TSPAN3: variants seen among roughly 807,000 people sequenced by gnomAD.
TSPAN3 encodes tetraspanin 3.
TSPAN3 carries 9 observed loss-of-function variants against 31.1 expected under a neutral mutation model. The ratio of observed to expected loss-of-function variants is 0.29; its 90% CI spans 0.17 to 0.50. The LOEUF (loss-of-function observed/expected upper bound fraction) is 0.50. TSPAN3 is among the 20% of genes least tolerant of loss of function. TSPAN3 has a pLI of 0.98. For synonymous variants in TSPAN3, 129 were observed against 114.3 expected (o/e 1.13, Z -0.82); for missense variants, 252 against 313.5 (o/e 0.80, Z 1.48).
intron 1 of TSPAN3, among the ~76,000 whole-genome samples, chr15:77,065,493 C>A (rs556557333): frequency 6.6e-6 from 1 of 152,200 alleles, no homozygotes; most frequent in Non-Finnish European, 1.5e-5. Context: ...GTGGCTCGAT[C>A]GCCGCTCACT....
chr15:77,067,835 G>C (rs2076842610), intron 1 of TSPAN3: 1 of 152,190 alleles, frequency 6.6e-6, no homozygotes, highest in Admixed American at 6.5e-5. Context: ...CTTTAGAGAA[G>C]TGATTCTAAC....
rs1264162377 is a variant in TSPAN3 at position 77,046,552 on chromosome 15, CCTT to C, written c.*280_*282del. 13 of 471,996 alleles carry C rather than the reference CCTT, an allele frequency of 2.8e-5. No individual in the cohort carries two copies. The highest frequency in any genetic ancestry group is 1.5e-5 in the Non-Finnish European group (4 of 268,162). 29.2% of individuals were successfully genotyped at this position (471,996 alleles called of 1,614,324 possible). A position where few individuals can be genotyped will look rare whatever the true frequency, so the allele number is the denominator to read the frequency against. ...GGTAACAGAAGCAGGCTCGTGTCCT[CCTT>C]TAATTCTACCACACTACATGACTCG... On this transcript the variant is annotated 3_prime_UTR_variant, in exon 7 of 7. Coordinates refer to ENST00000267970, the MANE Select transcript of TSPAN3 (RefSeq NM_005724.6).
chr15:77,065,937 AC>A (rs1331678003), intron 1 of TSPAN3, among the ~76,000 whole-genome samples: 1 of 152,226 alleles, frequency 6.6e-6, no homozygotes, highest in African/African-American at 2.4e-5. Context: ...ATGAAAAACA[AC>A]AACCTAAATA....
At position 77,070,990 on chromosome 15, in the gene TSPAN3, C is replaced by T; in HGVS notation, c.-36G>A. 7.3e-7 allele frequency: 1 copy of T among 1,373,612 alleles called. No individual in the cohort carries two copies. Among genetic ancestry groups the T allele is most frequent in the Non-Finnish European group, 9.5e-7 (1 of 1,054,834 alleles). 85.1% of individuals were successfully genotyped at this position (1,373,612 alleles called of 1,614,324 possible). A position where few individuals can be genotyped will look rare whatever the true frequency, so the allele number is the denominator to read the frequency against. On this transcript the variant is annotated 5_prime_UTR_variant, in exon 1 of 7. Transcript: ENST00000267970. Reference sequence around the variant, plus strand: ...GCCCGCGAAGGCCCGGCCCGGAGAGCGGGGCTGCGCTCACCGAGAGAGCGG... The same window carrying T: ...GCCCGCGAAGGCCCGGCCCGGAGAGTGGGGCTGCGCTCACCGAGAGAGCGG...
intron 6 of TSPAN3, among the ~76,000 whole-genome samples, chr15:77,049,586 CTAAT>C (rs1439667015): frequency 6.6e-6 from 1 of 152,082 alleles, no homozygotes; most frequent in Non-Finnish European, 1.5e-5. Context: ...AAATATCCTG[CTAAT>C]TAATAAGGGG....
chr15:77,056,767 C>T (rs553599566), intron 1 of TSPAN3, among the ~76,000 whole-genome samples: 1 of 152,240 alleles, frequency 6.6e-6, no homozygotes, highest in South Asian at 2.1e-4. Flanking sequence ...ACCCCACTTC[C>T]AAAAATCTTG....
intron 1 of TSPAN3, among the ~76,000 whole-genome samples, chr15:77,057,970 A>G (rs1204558991): frequency 1.3e-5 from 2 of 152,146 alleles, no homozygotes; most frequent in Non-Finnish European, 2.9e-5. Flanking sequence ...GGTACCAGAC[A>G]TCTAATTTTT....
At chr15:77,059,601 G>C (rs1384773631) in intron 1 of TSPAN3, among the ~76,000 whole-genome samples, 1 of 152,118 alleles carries the variant, frequency 6.6e-6, no homozygotes, top group African/African-American at 2.4e-5. Flanking sequence ...GTTTTTATTA[G>C]ACGTTTCTCT....
In TSPAN3 at chr15:77,041,955, G is replaced by A. The variant is rs1396299717; in HGVS notation, c.*4880C>T. The A allele has an allele frequency of 2.6e-5, 4 of 152,206 alleles. No homozygotes were observed. The highest frequency in any genetic ancestry group is 9.6e-5 in the African/African-American group (4 of 41,456). 9.4% of individuals were successfully genotyped at this position (152,206 alleles called of 1,614,324 possible). On this transcript the variant is annotated 3_prime_UTR_variant, in exon 7 of 7. Transcript: ENST00000267970. ...ATAGAGATGATCACTGTGGCGAGTA[G>A]TGGAGGCACTGGAGGCAGCCTGCAG...
Position 77,046,933 on chromosome 15 carries a change from G to A in TSPAN3, c.670-6C>T. On this transcript the variant is annotated splice_region_variant and splice_polypyrimidine_tract_variant and intron_variant, in intron 6 of 6. Coordinates refer to ENST00000267970, the MANE Select transcript of TSPAN3 (RefSeq NM_005724.6). ...GCACACAGCATGCCCAGCAGCTGTT[G>A]AAAGAAAACAACAATGGGGAAAAAA... The A allele has an allele frequency of 6.4e-7, 1 of 1,569,100 alleles. No homozygotes were observed. Among genetic ancestry groups the A allele is most frequent in the Non-Finnish European group, 8.7e-7 (1 of 1,154,360 alleles).
At chr15:77,062,524 A>T (rs1360278836) in intron 1 of TSPAN3, among the ~76,000 whole-genome samples, 1 of 152,218 alleles carries the variant, frequency 6.6e-6, no homozygotes, top group Non-Finnish European at 1.5e-5. Context: ...TCTACCTAAC[A>T]AACTGATCAG....
Position 77,044,270 on chromosome 15 carries a change from C to T in TSPAN3, c.*2565G>A, listed in dbSNP as rs541632443. ...CCAGCCTAGTGGGTGAGCTCACTCA[C>T]TAAATTTCAGACATGACGAGCAGTG... is the stretch of plus-strand genomic sequence containing the variant. On this transcript the variant is annotated 3_prime_UTR_variant, in exon 7 of 7. Coordinates refer to ENST00000267970, the MANE Select transcript of TSPAN3 (RefSeq NM_005724.6). 9 of 152,300 alleles carry T rather than the reference C, an allele frequency of 5.9e-5. No homozygotes were observed. The highest frequency in any genetic ancestry group is 5.2e-4 in the Admixed American group (8 of 15,300). 9.4% of individuals were successfully genotyped at this position (152,300 alleles called of 1,614,324 possible).
In TSPAN3 at chr15:77,052,450, C is replaced by G. The variant is rs2152695742; in HGVS notation, c.604G>C (p.Val202Leu). ...LYAEGCEALV[V>L]KKLQEIMMHV... is the part of the protein sequence containing the mutation. The stretch of plus-strand genomic sequence containing the variant: ...ATCATGATTTCTTGTAGCTTCTTCA[C>G]TACTAGAGCCTCACACCCCTGTAAC... Residue 202 changes from valine (V) to leucine (L), a missense_variant, in exon 6 of 7, where the codon GTG (valine) becomes CTG (leucine). Transcript: ENST00000267970. 1 of 1,614,144 alleles carries G rather than the reference C, an allele frequency of 6.2e-7. No individual in the cohort carries two copies. Among genetic ancestry groups the G allele is most frequent in the Non-Finnish European group, 8.5e-7 (1 of 1,179,990 alleles).
At chr15:77,052,599 G>A in intron 5 of TSPAN3, 131 bp from the exon 6 acceptor site, 1 of 1,117,150 alleles carries the variant, frequency 9.0e-7, no homozygotes, top group East Asian at 2.5e-5. Flanking sequence ...TTCCATGATT[G>A]GTATAATTTA....
intron 1 of TSPAN3, chr15:77,063,251 T>A (rs2076810860): frequency 6.6e-6 from 1 of 152,246 alleles, no homozygotes; most frequent in Non-Finnish European, 1.5e-5. Context: ...ATTCTTTCAA[T>A]GTACATTATG....
intron 1 of TSPAN3, among the ~76,000 whole-genome samples, chr15:77,070,585 G>GGT (rs1030423023): frequency 8.6e-5 from 13 of 152,030 alleles, no homozygotes; most frequent in Non-Finnish European, 1.8e-4. Flanking sequence ...GCGACTCCGG[G>GGT]GGGGGGAGAC....
chr15:77,059,148 T>C (rs529620084), intron 1 of TSPAN3, among the ~76,000 whole-genome samples: 1 of 152,202 alleles, frequency 6.6e-6, no homozygotes, highest in Non-Finnish European at 1.5e-5. Context: ...AGTGGCGCAA[T>C]CTCAGCTCAC....
At chr15:77,059,169 G>A (rs1475634511) in intron 1 of TSPAN3, among the ~76,000 whole-genome samples, 3 of 152,124 alleles carry the variant, frequency 2.0e-5, no homozygotes, top group Non-Finnish European at 2.9e-5. Context: ...TGCAGGCTCC[G>A]TCTCCCAGGT....
intron 1 of TSPAN3, among the ~76,000 whole-genome samples, chr15:77,060,588 G>A (rs1226195517): frequency 1.3e-5 from 2 of 152,070 alleles, no homozygotes; most frequent in Non-Finnish European, 2.9e-5. Context: ...AGAAATTGTG[G>A]CTATCAGAAA....
Sources: allele counts gnomAD v4.1 joint callset (sites outside exome capture counted in the v4.1 genomes callset), GRCh38; gene constraint gnomAD v4.1.1; transcripts MANE v1.5; gene names NCBI Gene and HGNC (gene_info 2026-07-23, HGNC 2026-07-21).